VANGL1: variants seen among roughly 807,000 people sequenced by gnomAD.
The protein encoded by VANGL1 is VANGL planar cell polarity protein 1.
VANGL1 carries 18 observed loss-of-function variants against 48.4 expected under a neutral mutation model. The observed-to-expected ratio is 0.37, with a 90% CI of 0.26 to 0.55. The LOEUF (loss-of-function observed/expected upper bound fraction) is 0.55. Among genes scored for constraint, VANGL1 ranks in the 20% least tolerant of loss-of-function variants. The probability of loss-of-function intolerance (pLI) is 0.81; values close to 1 mark genes in which losing one functional copy is unlikely to be tolerated. For synonymous variants in VANGL1, 257 were observed against 261.8 expected (o/e 0.98, Z 0.18); for missense variants, 667 against 675.8 (o/e 0.99, Z 0.14).
chr1:115,693,708 C>T lies in VANGL1; in HGVS notation c.*2329C>T, dbSNP rs188964296. ...CTTTGTAAAGCCTTTGCACTTTCAACCTCTTTATAGCTTGAGTTACTTTTG... is the reference window on the plus strand; with the variant it reads ...CTTTGTAAAGCCTTTGCACTTTCAATCTCTTTATAGCTTGAGTTACTTTTG... On this transcript the variant is annotated 3_prime_UTR_variant, in exon 8 of 8. Coordinates refer to ENST00000355485, the MANE Select transcript of VANGL1 (RefSeq NM_138959.3). The T allele has an allele frequency of 2.6e-5, 4 of 152,258 alleles. No homozygotes were observed. Among genetic ancestry groups the T allele is most frequent in the Admixed American group, 2.0e-4 (3 of 15,304 alleles). 9.4% of individuals were successfully genotyped at this position (152,258 alleles called of 1,614,324 possible). A position where few individuals can be genotyped will look rare whatever the true frequency, so the allele number is the denominator to read the frequency against.
chr1:115,661,837 C>T (rs967259371), intron 3 of VANGL1, among the ~76,000 whole-genome samples: 26 of 152,174 alleles, frequency 1.7e-4, no homozygotes, highest in East Asian at 7.8e-4. Flanking sequence ...AGGCTGGTCT[C>T]GAACTCCTGA....
intron 4 of VANGL1, among the ~76,000 whole-genome samples, chr1:115,672,203 C>T (rs1232219085): frequency 6.6e-6 from 1 of 152,192 alleles, no homozygotes; most frequent in Non-Finnish European, 1.5e-5. Context: ...CTGTGATTCC[C>T]AAGTCCTGCT....
intron 2 of VANGL1, among the ~76,000 whole-genome samples, chr1:115,656,400 C>T (rs1652356680): frequency 6.6e-6 from 1 of 152,188 alleles, no homozygotes; most frequent in African/African-American, 2.4e-5. Flanking sequence ...GGGCAAGTTT[C>T]CTTTACCACC....
intron 4 of VANGL1, among the ~76,000 whole-genome samples, chr1:115,673,426 G>C (rs1653053557): frequency 6.6e-6 from 1 of 152,080 alleles, no homozygotes; most frequent in Non-Finnish European, 1.5e-5. Context: ...AAATCTAGGT[G>C]TTGGCACAGC....
intron 4 of VANGL1, among the ~76,000 whole-genome samples, chr1:115,678,397 G>T (rs1275004072): frequency 2.0e-5 from 3 of 152,204 alleles, no homozygotes; most frequent in Non-Finnish European, 4.4e-5. Context: ...CCGGGGCTAT[G>T]ACTGAGGCCA....
At chr1:115,662,043 T>C (rs1270931825) in intron 3 of VANGL1, among the ~76,000 whole-genome samples, 2 of 152,192 alleles carry the variant, frequency 1.3e-5, no homozygotes, top group Admixed American at 6.5e-5. Context: ...TGTACCACGG[T>C]CCACTTCCAC....
intron 7 of VANGL1, among the ~76,000 whole-genome samples, chr1:115,686,285 T>G (rs1010137382): frequency 6.9e-6 from 1 of 145,696 alleles, no homozygotes; most frequent in African/African-American, 2.6e-5. Flanking sequence ...AAAAATAGAA[T>G]GGCGTGAACC....
At chr1:115,690,733 G>C (rs2101039806) in intron 7 of VANGL1, among the ~76,000 whole-genome samples, 1 of 152,328 alleles carries the variant, frequency 6.6e-6, no homozygotes, top group South Asian at 2.1e-4. Context: ...CTGGCCCTGA[G>C]AAACTTTTGG....
chr1:115,673,702 C>G (rs1192268654), intron 4 of VANGL1, among the ~76,000 whole-genome samples: 1 of 150,264 alleles, frequency 6.7e-6, no homozygotes, highest in African/African-American at 2.5e-5. Context: ...CAGGTTCAAG[C>G]AATTCTCCTG....
intron 3 of VANGL1, among the ~76,000 whole-genome samples, chr1:115,659,981 G>T (rs533737116): frequency 6.6e-6 from 1 of 152,260 alleles, no homozygotes; most frequent in East Asian, 1.9e-4. Context: ...TGATTGGTTG[G>T]CCTGCTTTAC....
At chr1:115,644,676 C>T (rs1440471278) in intron 1 of VANGL1, among the ~76,000 whole-genome samples, 3 of 152,178 alleles carry the variant, frequency 2.0e-5, no homozygotes, top group African/African-American at 4.8e-5. Context: ...GGAGATAGTA[C>T]TCATGAGATC....
At chr1:115,687,705 C>CTGTGTGTGTGTGTGTG (rs56094677) in intron 7 of VANGL1, among the ~76,000 whole-genome samples, 12 of 112,796 alleles carry the variant, frequency 1.1e-4, no homozygotes, top group Non-Finnish European at 1.8e-4. Flanking sequence ...CTCTCTTTCT[C>CTGTGTGTGTGTGTGTG]TGTGTGTGTG....
intron 7 of VANGL1, among the ~76,000 whole-genome samples, chr1:115,688,066 G>T (rs1653702933): frequency 7.5e-6 from 1 of 133,338 alleles, no homozygotes; most frequent in African/African-American, 3.0e-5. Context: ...ATCATTCATA[G>T]ATAGAGATTT....
At chr1:115,665,338 A>C (rs919777012) in intron 4 of VANGL1, among the ~76,000 whole-genome samples, 1 of 152,190 alleles carries the variant, frequency 6.6e-6, no homozygotes, top group Non-Finnish European at 1.5e-5. Flanking sequence ...CTGCCTCCTT[A>C]GGCAGTATAT....
At chr1:115,645,624 T>C (rs1165328207) in intron 1 of VANGL1, among the ~76,000 whole-genome samples, 1 of 152,214 alleles carries the variant, frequency 6.6e-6, no homozygotes, top group African/African-American at 2.4e-5. Flanking sequence ...TCTAGAAGAA[T>C]AGTTGACTCT....
chr1:115,652,465 A>G (rs1652188124), intron 2 of VANGL1, among the ~76,000 whole-genome samples: 1 of 152,228 alleles, frequency 6.6e-6, no homozygotes, highest in Non-Finnish European at 1.5e-5. Context: ...AAATGGGTAC[A>G]GCAGTCCTCT....
intron 4 of VANGL1, chr1:115,671,179 C>T (rs1357389827): frequency 6.6e-6 from 1 of 152,358 alleles, no homozygotes; most frequent in African/African-American, 2.4e-5. Context: ...TCCTGAGGGC[C>T]CCTGGCCCCT....
At chr1:115,655,517 C>T (rs1289012964) in intron 2 of VANGL1, among the ~76,000 whole-genome samples, 1 of 152,180 alleles carries the variant, frequency 6.6e-6, no homozygotes, top group African/African-American at 2.4e-5. Context: ...TTTACTCATA[C>T]AGGCAGATGT....
chr1:115,655,542 T>C (rs1557763800), intron 2 of VANGL1, among the ~76,000 whole-genome samples: 1 of 151,962 alleles, frequency 6.6e-6, no homozygotes, highest in Non-Finnish European at 1.5e-5. Flanking sequence ...TGGAGACAAA[T>C]TCAGAGATAA....
Sources: gnomAD v4.1 joint callset for allele counts (sites outside exome capture counted in the v4.1 genomes callset) on GRCh38, gnomAD v4.1.1 for gene constraint, MANE v1.5 for transcripts, NCBI Gene and HGNC (gene_info 2026-07-23, HGNC 2026-07-21) for gene names.